ARHGEF3: variants seen among roughly 807,000 people sequenced by gnomAD.
ARHGEF3 encodes the protein 59.8 kDA protein.
In ARHGEF3, 28 loss-of-function variants were observed where a neutral mutation model predicts 63.2. That is an observed-to-expected ratio of 0.44 (90% CI 0.33 to 0.61). ARHGEF3 has a LOEUF of 0.61. ARHGEF3 is among the 20% of genes least tolerant of loss of function. ARHGEF3 has a pLI of 0.03. For synonymous variants in ARHGEF3, 266 were observed against 254.2 expected (o/e 1.05, Z -0.44); for missense variants, 533 against 659.3 (o/e 0.81, Z 2.10).
intron 3 of ARHGEF3, among the ~76,000 whole-genome samples, chr3:56,889,236 T>C (rs2041033390): frequency 6.6e-6 from 1 of 152,124 alleles, no homozygotes; most frequent in African/African-American, 2.4e-5. Context: ...ATGAACAAAC[T>C]GCCTTTTCGG....
At chr3:56,863,749 A>G (rs2040154921) in intron 4 of ARHGEF3, among the ~76,000 whole-genome samples, 2 of 152,074 alleles carry the variant, frequency 1.3e-5, no homozygotes, top group Non-Finnish European at 2.9e-5. Flanking sequence ...TTTACCTTTT[A>G]ATCCTCTGCC....
chr3:56,821,712 C>T (rs1346251609), intron 4 of ARHGEF3, among the ~76,000 whole-genome samples: 1 of 152,138 alleles, frequency 6.6e-6, no homozygotes, highest in African/African-American at 2.4e-5. Flanking sequence ...ACCTGTAATC[C>T]CAGCACTTTG....
chr3:56,822,640 T>A (rs892630535), intron 4 of ARHGEF3, among the ~76,000 whole-genome samples: 20 of 152,064 alleles, frequency 1.3e-4, no homozygotes, highest in Non-Finnish European at 2.8e-4. Context: ...GCAGGTTGAT[T>A]GCCTGAGCTC....
chr3:56,888,442 C>T (rs1233947205), intron 3 of ARHGEF3, among the ~76,000 whole-genome samples: 1 of 152,150 alleles, frequency 6.6e-6, no homozygotes, highest in Non-Finnish European at 1.5e-5. Context: ...CTCAATGCCA[C>T]GTGCCTATAT....
In ARHGEF3 at chr3:56,892,261, A is replaced by G. The variant is rs764602076; in HGVS notation, c.130-9907T>C. Among the ~76,000 whole-genome samples, 8 of 152,330 alleles carry G rather than the reference A, an allele frequency of 5.3e-5. No individual in the cohort carries two copies. The South Asian group carries it at 6.2e-4, about 12-fold the overall frequency. On this transcript the variant is annotated intron_variant, in intron 3 of 12. Coordinates refer to the ARHGEF3 transcript ENST00000338458. The stretch of plus-strand genomic sequence containing the variant: ...TTTTCCAGAAAAATTGTCCCAGAAA[A>G]AAAAAATACGGGCATCGATCTAAGG...
intron 3 of ARHGEF3, among the ~76,000 whole-genome samples, chr3:56,902,272 G>C (rs1374997563): frequency 6.6e-6 from 1 of 152,224 alleles, no homozygotes; most frequent in Non-Finnish European, 1.5e-5. Flanking sequence ...ACAGATTTTA[G>C]AGAGTAAGCA....
intron 6 of ARHGEF3, 139 bp from the exon 7 acceptor site, chr3:56,745,601 G>A: frequency 3.0e-6 from 3 of 1,002,936 alleles, no homozygotes; most frequent in East Asian, 2.6e-5. Context: ...TGCATGGCTG[G>A]AGGAAACTAG....
chr3:57,041,633 G>T (rs1704190460), intron 1 of ARHGEF3, among the ~76,000 whole-genome samples: 1 of 152,116 alleles, frequency 6.6e-6, no homozygotes, highest in Non-Finnish European at 1.5e-5. Flanking sequence ...CTCAAAAGAG[G>T]GCATGCCCTC....
intron 1 of ARHGEF3, among the ~76,000 whole-genome samples, chr3:57,044,023 C>A (rs1704340936): frequency 6.6e-6 from 1 of 152,206 alleles, no homozygotes; most frequent in Admixed American, 6.5e-5. Context: ...ACTCACATCA[C>A]CCCCTTGGAT....
At chr3:56,849,910 G>A (rs1042590910) in intron 4 of ARHGEF3, among the ~76,000 whole-genome samples, 1 of 152,146 alleles carries the variant, frequency 6.6e-6, no homozygotes, top group African/African-American at 2.4e-5. Flanking sequence ...ACAGCTGAAA[G>A]GGCCTTTTGG....
intron 4 of ARHGEF3, among the ~76,000 whole-genome samples, chr3:56,882,129 T>A (rs936343686): frequency 2.0e-5 from 3 of 152,206 alleles, no homozygotes; most frequent in Non-Finnish European, 4.4e-5. Context: ...TTTTCTCCAG[T>A]GAAATAAAAT....
At chr3:56,800,129 G>A (rs1221968741) in intron 1 of ARHGEF3, among the ~76,000 whole-genome samples, 1 of 152,174 alleles carries the variant, frequency 6.6e-6, no homozygotes, top group Non-Finnish European at 1.5e-5. Flanking sequence ...TAAGCCTTTA[G>A]CTAAACTACT....
chr3:57,015,992 C>T (rs1236471226), intron 2 of ARHGEF3, among the ~76,000 whole-genome samples: 1 of 152,082 alleles, frequency 6.6e-6, no homozygotes, highest in Non-Finnish European at 1.5e-5. Context: ...CAGGGGTCCA[C>T]CTGGGTGCGT....
At chr3:57,026,553 G>A (rs904426286) in intron 2 of ARHGEF3, among the ~76,000 whole-genome samples, 1 of 152,170 alleles carries the variant, frequency 6.6e-6, no homozygotes, top group Non-Finnish European at 1.5e-5. Context: ...TTTCCCAGGA[G>A]GGAGACCGAC....
At chr3:56,979,574 C>A (rs1225820200) in intron 2 of ARHGEF3, among the ~76,000 whole-genome samples, 1 of 152,210 alleles carries the variant, frequency 6.6e-6, no homozygotes, top group Non-Finnish European at 1.5e-5. Flanking sequence ...TGAGCAAGGC[C>A]CTCACTAGGA....
At chr3:56,925,033 A>C (rs2042241425) in intron 3 of ARHGEF3, among the ~76,000 whole-genome samples, 1 of 152,234 alleles carries the variant, frequency 6.6e-6, no homozygotes, top group Non-Finnish European at 1.5e-5. Flanking sequence ...AGGAGATGAG[A>C]GTGCCATACA....
chr3:56,755,125 G>A lies in ARHGEF3; in HGVS notation c.231C>T (p.Ser77=). Residue 77 remains serine, a synonymous_variant, in exon 3 of 10, where the codon AGC becomes AGT. Transcript: ENST00000296315. The part of the protein sequence containing the change: ...LQRSISFRSE[S]RPDILAPRPW... Reference sequence around the variant, plus strand: ...GTCGGGGGGCGAGGATGTCAGGGCGGCTCTCACTGCGGAAGCTAATGGAGC... The same window carrying A: ...GTCGGGGGGCGAGGATGTCAGGGCGACTCTCACTGCGGAAGCTAATGGAGC... 1 of 1,613,650 alleles carries A rather than the reference G, an allele frequency of 6.2e-7. No individual in the cohort carries two copies. The highest frequency in any genetic ancestry group is 8.5e-7 in the Non-Finnish European group (1 of 1,179,974).
rs1354201862 is a variant in ARHGEF3 at position 56,968,163 on chromosome 3, T to A, written c.63-9274A>T. Among the ~76,000 whole-genome samples, 21 of 28,824 alleles carry A rather than the reference T, an allele frequency of 7.3e-4. 1 individual carries two copies. In the South Asian group the frequency reaches 0.028, roughly 38 times the overall value. 18.9% of individuals were successfully genotyped at this position (28,824 alleles called of 152,430 possible). A position where few individuals can be genotyped will look rare whatever the true frequency, so the allele number is the denominator to read the frequency against. On this transcript the variant is annotated intron_variant, in intron 2 of 12. Coordinates refer to the ARHGEF3 transcript ENST00000338458. Reference sequence around the variant, plus strand: ...TATATAATATATATAAAAATATATATTATATAATATATATAAAAATATATA... The same window carrying A: ...TATATAATATATATAAAAATATATAATATATAATATATATAAAAATATATA...
intron 2 of ARHGEF3, among the ~76,000 whole-genome samples, chr3:56,984,641 C>T (rs1701464847): frequency 1.3e-5 from 2 of 152,256 alleles, no homozygotes; most frequent in South Asian, 4.1e-4. Flanking sequence ...TCACTTTGTG[C>T]ATTTCCCAAA....
Sources: gnomAD v4.1 joint callset for allele counts (sites outside exome capture counted in the v4.1 genomes callset) on GRCh38, gnomAD v4.1.1 for gene constraint, MANE v1.5 for transcripts, NCBI Gene and HGNC (gene_info 2026-07-23, HGNC 2026-07-21) for gene names.